Variants in CCDC138 observed in about 807,000 individuals in gnomAD.
The protein encoded by CCDC138 is coiled-coil domain-containing protein 138.
CCDC138 carries 66 observed loss-of-function variants against 82.3 expected under a neutral mutation model. The observed-to-expected ratio is 0.80, with a 90% CI of 0.66 to 0.98. The LOEUF (loss-of-function observed/expected upper bound fraction) is 0.98. Ranked by LOEUF, CCDC138 falls within the 50% of genes least tolerant of loss-of-function variation. CCDC138 has a pLI of 0.00. For synonymous variants in CCDC138, 297 were observed against 265.4 expected (o/e 1.12, Z -1.16); for missense variants, 816 against 758.9 (o/e 1.08, Z -0.88).
At chr2:108,873,612 A>C in intron 14 of CCDC138, 23 bp downstream of exon 14, 1 of 1,522,474 alleles carries the variant, frequency 6.6e-7, no homozygotes, top group Non-Finnish European at 9.0e-7. Flanking sequence ...TATTTCTAAC[A>C]TTTTTTATTG....
At chr2:108,797,954 G>A (rs986245613) in intron 5 of CCDC138, among the ~76,000 whole-genome samples, 4 of 119,676 alleles carry the variant, frequency 3.3e-5, no homozygotes, top group Non-Finnish European at 6.9e-5. Flanking sequence ...CACTTTTCAC[G>A]GTGTGTGATT....
intron 11 of CCDC138, 112 bp from the exon 12 acceptor site, chr2:108,846,626 A>G (rs937555391): frequency 1.8e-5 from 15 of 835,102 alleles, no homozygotes; most frequent in South Asian, 3.5e-5. Context: ...GCAGTGAGCC[A>G]TGATTGCGCT....
chr2:108,881,902 G>A (rs1378092550), intron 1 of CCDC138, among the ~76,000 whole-genome samples: 1 of 152,136 alleles, frequency 6.6e-6, no homozygotes, highest in Middle Eastern at 3.2e-3. Flanking sequence ...CCAGCACTTT[G>A]GGAAGCTGAG....
At chr2:108,812,532 T>G in intron 7 of CCDC138, 99 bp from the exon 8 acceptor site, 1 of 823,554 alleles carries the variant, frequency 1.2e-6, no homozygotes, top group Non-Finnish European at 2.0e-6. Context: ...GTTACATTGG[T>G]TAGTAATATC....
intron 10 of CCDC138, among the ~76,000 whole-genome samples, chr2:108,825,971 A>G (rs1462619385): frequency 1.3e-5 from 2 of 152,208 alleles, no homozygotes; most frequent in East Asian, 1.9e-4. Context: ...GAAGTGGTCA[A>G]TCATTATGGT....
chr2:108,854,909 T>C (rs773206367), intron 12 of CCDC138, among the ~76,000 whole-genome samples: 133 of 152,294 alleles, frequency 8.7e-4, no homozygotes, highest in Non-Finnish European at 1.4e-3. Context: ...CAAAAGACTT[T>C]CTAATCATTT....
intron 10 of CCDC138, among the ~76,000 whole-genome samples, chr2:108,832,164 G>A (rs1175584012): frequency 1.3e-5 from 2 of 151,820 alleles, no homozygotes; most frequent in Non-Finnish European, 2.9e-5. Context: ...CTAGTAGCTG[G>A]GATTACAGGT....
At chr2:108,844,293 G>A (rs1690076572) in intron 11 of CCDC138, among the ~76,000 whole-genome samples, 1 of 152,076 alleles carries the variant, frequency 6.6e-6, no homozygotes, top group Non-Finnish European at 1.5e-5. Context: ...AGTTGTTCAG[G>A]TTGGGTGTTT....
chr2:108,840,230 T>C (rs995045999), intron 11 of CCDC138, among the ~76,000 whole-genome samples: 2 of 152,188 alleles, frequency 1.3e-5, no homozygotes, highest in Non-Finnish European at 2.9e-5. Context: ...GTTTTTATAT[T>C]AACAAATTCT....
chr2:108,856,177 G>GA (rs1270899924), intron 12 of CCDC138, among the ~76,000 whole-genome samples: 1 of 152,158 alleles, frequency 6.6e-6, no homozygotes, highest in Non-Finnish European at 1.5e-5. Flanking sequence ...ACTTCTTTAA[G>GA]AAAGTTTCAG....
intron 14 of CCDC138, among the ~76,000 whole-genome samples, chr2:108,874,599 G>T (rs1695752120): frequency 6.6e-6 from 1 of 152,060 alleles, no homozygotes; most frequent in Admixed American, 6.6e-5. Flanking sequence ...ATTTTACCAG[G>T]CTTCCATATG....
chr2:108,844,225 G>A (rs1690065734), intron 11 of CCDC138, among the ~76,000 whole-genome samples: 1 of 151,978 alleles, frequency 6.6e-6, no homozygotes, highest in African/African-American at 2.4e-5. Flanking sequence ...CGTGATTTTA[G>A]ATGTTTTGCT....
intron 7 of CCDC138, among the ~76,000 whole-genome samples, chr2:108,812,045 A>T (rs57080351): frequency 6.6e-6 from 1 of 152,194 alleles, no homozygotes. Context: ...TAAAAAAATA[A>T]TTGGATACCC....
chr2:108,872,201 T>A (rs535149611), intron 13 of CCDC138, among the ~76,000 whole-genome samples: 13 of 152,184 alleles, frequency 8.5e-5, no homozygotes, highest in Non-Finnish European at 1.9e-4. Flanking sequence ...GAGAAGAGTC[T>A]GATCATTTTC....
Position 108,791,054 on chromosome 2 carries a change from G to A in CCDC138, c.267-621G>A, listed in dbSNP as rs139817791. 4.5e-3 allele frequency among the ~76,000 whole-genome samples: 687 copies of A among 152,194 alleles called. 4 individuals are homozygous for A. The highest frequency in any genetic ancestry group is 0.016 in the African/African-American group (656 of 41,528). On this transcript the variant is annotated intron_variant, in intron 3 of 14. Transcript: ENST00000295124. ...TGAGATCACAGGCGTGAGCCACCAT[G>A]CCTGTTCTATCCTAATAATTTTTAA...
At chr2:108,823,412 G>C (rs965266352) in intron 10 of CCDC138, among the ~76,000 whole-genome samples, 5 of 152,160 alleles carry the variant, frequency 3.3e-5, no homozygotes, top group Non-Finnish European at 7.3e-5. Context: ...GAATTCAACA[G>C]TACAGTCATG....
chr2:108,825,431 C>T (rs1686402507), intron 10 of CCDC138, among the ~76,000 whole-genome samples: 1 of 149,954 alleles, frequency 6.7e-6, no homozygotes, highest in Non-Finnish European at 1.5e-5. Flanking sequence ...CTCCTCTCTC[C>T]AAAAAAAAAC....
Position 108,816,046 on chromosome 2 carries a change from A to G in CCDC138, c.1147A>G (p.Lys383Glu). 1 of 1,613,670 alleles carries G rather than the reference A, an allele frequency of 6.2e-7. No individual in the cohort carries two copies. Among genetic ancestry groups the G allele is most frequent in the East Asian group, 2.2e-5 (1 of 44,862 alleles). The change falls in exon 10 of 15, where the codon AAA becomes GAA. Residue 383 changes from lysine to glutamate, a missense_variant. Coordinates refer to ENST00000295124, the MANE Select transcript of CCDC138 (RefSeq NM_144978.3). Reference protein sequence around the residue: ...VKHEESGMDGKKPQLKFASQR... With the variant: ...VKHEESGMDGEKPQLKFASQR... ...ACATGAAGAATCTGGAATGGATGGT[A>G]AAAAACCACAACTCAAATTTGCTTC...
At chr2:108,788,800 T>C in intron 2 of CCDC138, 52 bp from the exon 3 acceptor site, 1 of 1,608,572 alleles carries the variant, frequency 6.2e-7, no homozygotes, top group Non-Finnish European at 8.5e-7. Context: ...GTGCCAGATA[T>C]TTTGTGATAT....
Sources: allele counts gnomAD v4.1 joint callset (sites outside exome capture counted in the v4.1 genomes callset), GRCh38; gene constraint gnomAD v4.1.1; transcripts MANE v1.5; gene names NCBI Gene and HGNC (gene_info 2026-07-23, HGNC 2026-07-21).